The following PGAP3 variants were observed in gnomAD, a reference collection of about 807,000 sequenced individuals.
PGAP3 encodes GPI-specific phospholipase A2-like PGAP3.
A neutral mutation model predicts 40.3 loss-of-function variants in PGAP3; 31 were observed. That is an observed-to-expected ratio of 0.77 (90% confidence interval 0.58 to 1.04). The LOEUF (loss-of-function observed/expected upper bound fraction) is 1.04. Ranked by LOEUF, PGAP3 falls within the 50% of genes least tolerant of loss-of-function variation. PGAP3 has a pLI of 0.00. For missense variants in PGAP3, 413 were observed against 423.0 expected (o/e 0.98, Z 0.21); for synonymous variants, 191 against 184.5 (o/e 1.04, Z -0.29).
chr17:39,674,560 C>T (rs2057351473), intron 4 of PGAP3, 57 bp downstream of exon 4: 22 of 1,504,928 alleles, frequency 1.5e-5, no homozygotes, highest in Non-Finnish European at 1.9e-5. Context: ...CCTCTGCCCA[C>T]TTCTGGGCTC....
chr17:39,685,850 T>C (rs1199592795), intron 2 of PGAP3, 72 bp downstream of exon 2: 7 of 1,374,812 alleles, frequency 5.1e-6, no homozygotes, highest in Non-Finnish European at 7.2e-6. Flanking sequence ...GCTTGGACAG[T>C]GTGGTCCAAC....
chr17:39,687,297 T>C (rs2517954), intron 1 of PGAP3, among the ~76,000 whole-genome samples: 94,723 of 152,102 alleles, frequency 0.62, 29,977 homozygotes, highest in South Asian at 0.73. Flanking sequence ...TAAAAATTAC[T>C]TGACATATTG....
chr17:39,673,668 G>A lies in PGAP3; in HGVS notation c.558-18C>T. The stretch of plus-strand genomic sequence containing the variant: ...CCACGGTCCTGCCCCACCGTCCAGG[G>A]TTGCTCAGAGGGCAGGTGGCCCATC... On this transcript the variant is annotated intron_variant, in intron 5 of 7. Coordinates refer to ENST00000300658, the MANE Select transcript of PGAP3 (RefSeq NM_033419.5). 3 of 1,612,582 alleles carry A rather than the reference G, an allele frequency of 1.9e-6. No individual in the cohort carries two copies. The highest frequency in any genetic ancestry group is 2.5e-6 in the Non-Finnish European group (3 of 1,179,286).
chr17:39,678,531 TATC>T (rs1360339605), intron 3 of PGAP3, among the ~76,000 whole-genome samples: 6 of 152,232 alleles, frequency 3.9e-5, no homozygotes, highest in African/African-American at 1.4e-4. Context: ...GTGCCAGCGT[TATC>T]ATGAGTCCTG....
At chr17:39,685,796 G>A (rs1169982746) in intron 2 of PGAP3, 126 bp downstream of exon 2, 14 of 788,324 alleles carry the variant, frequency 1.8e-5, no homozygotes, top group Non-Finnish European at 2.3e-5. Context: ...GGGGAGAACA[G>A]GTAGCTGCCC....
At chr17:39,687,560 A>G (rs879658684) in intron 1 of PGAP3, among the ~76,000 whole-genome samples, 27 of 152,318 alleles carry the variant, frequency 1.8e-4, no homozygotes, top group African/African-American at 3.6e-4. Context: ...GTGAGTCCCA[A>G]TGGGCGGGAC....
At chr17:39,683,964 A>G (rs904433854) in intron 3 of PGAP3, among the ~76,000 whole-genome samples, 1 of 151,986 alleles carries the variant, frequency 6.6e-6, no homozygotes, top group Non-Finnish European at 1.5e-5. Flanking sequence ...GTCTCTACTA[A>G]AAATACAAAA....
In PGAP3 at chr17:39,673,585, G is replaced by A. The variant is rs2057337836; in HGVS notation, c.623C>T (p.Thr208Ile). 2 of 1,614,124 alleles carry A rather than the reference G, an allele frequency of 1.2e-6. No homozygotes were observed. The highest frequency in any genetic ancestry group is 8.5e-7 in the Non-Finnish European group (1 of 1,180,026). ...GAGGCTCAGGTAGGAGACGTGCACG[G>A]TCAGCATGAGCAGCAGGAGAGCCCG... ...AFRALLLLML[T>I]VHVSYLSLIR... The change falls in exon 6 of 8, where the codon ACC becomes ATC. Residue 208 changes from threonine (T) to isoleucine (I), a missense_variant. Transcript: ENST00000300658.
At chr17:39,685,895 T>C (rs761456087) in intron 2 of PGAP3, 27 bp downstream of exon 2, 2 of 1,594,398 alleles carry the variant, frequency 1.3e-6, no homozygotes, top group Non-Finnish European at 1.7e-6. Flanking sequence ...GCTACTACCA[T>C]ATGCCTACCC....
Position 39,687,915 on chromosome 17 carries a change from G to C in PGAP3, c.100C>G (p.Leu34Val). ...GAGCAGTTCTGCTCTTCGCACTGCAGTACGCAGTCGCGGTACACCGGCTCA... is the reference window on the plus strand; with the variant it reads ...GAGCAGTTCTGCTCTTCGCACTGCACTACGCAGTCGCGGTACACCGGCTCA... Reference protein sequence around the residue: ...DREPVYRDCVLQCEEQNCSGG... With the variant: ...DREPVYRDCVVQCEEQNCSGG... Residue 34 changes from leucine (L) to valine (V), a missense_variant, in exon 1 of 8, where the codon CTG (leucine) becomes GTG (valine). Leu to Val is a conservative substitution (Grantham distance 32, BLOSUM62 1). Transcript: ENST00000300658. 6.6e-7 allele frequency: 1 copy of C among 1,512,790 alleles called. No individual in the cohort carries two copies. The highest frequency in any genetic ancestry group is 1.2e-5 in the South Asian group (1 of 80,946). 93.7% of individuals were successfully genotyped at this position (1,512,790 alleles called of 1,614,324 possible).
At position 39,671,132 on chromosome 17, in the gene PGAP3, A is replaced by G. The variant is rs968828323; in HGVS notation, c.*1671T>C. Reference sequence around the variant, plus strand: ...CTGAACAAGGGCAGGTGAGGCTTGGAATTGATTTATTAAGCACATCCCTTG... The same window carrying G: ...CTGAACAAGGGCAGGTGAGGCTTGGGATTGATTTATTAAGCACATCCCTTG... On this transcript the variant is annotated 3_prime_UTR_variant, in exon 8 of 8. Transcript: ENST00000300658. The G allele has an allele frequency of 1.3e-5, 2 of 152,340 alleles. No homozygotes were observed. Among genetic ancestry groups the G allele is most frequent in the Non-Finnish European group, 2.9e-5 (2 of 68,032 alleles). 9.4% of individuals were successfully genotyped at this position (152,340 alleles called of 1,614,324 possible). A position where few individuals can be genotyped will look rare whatever the true frequency, so the allele number is the denominator to read the frequency against.
chr17:39,679,400 AC>A (rs2057412800), intron 3 of PGAP3, among the ~76,000 whole-genome samples: 1 of 151,956 alleles, frequency 6.6e-6, no homozygotes, highest in Non-Finnish European at 1.5e-5. Flanking sequence ...CTGTGAAGTG[AC>A]CCCTGGCCTC....
chr17:39,673,110 G>C lies in PGAP3; in HGVS notation c.840C>G (p.Val280=). The C allele has an allele frequency of 6.2e-7, 1 of 1,608,966 alleles. No homozygotes were observed. Among genetic ancestry groups the C allele is most frequent in the African/African-American group, 1.3e-5 (1 of 75,008 alleles). The change falls in exon 7 of 8, where the codon GTC becomes GTG. Residue 280 remains valine (V), a synonymous_variant. Transcript: ENST00000300658. ...ELLDFPPLFW[V]LDAHAIWHIS... ...TGTGCCAGATGGCATGGGCATCCAG[G>C]ACCCAGAAGAGCGGTGGGAAGTCAA...
At chr17:39,685,351 G>A (rs1241800286) in intron 2 of PGAP3, among the ~76,000 whole-genome samples, 1 of 151,224 alleles carries the variant, frequency 6.6e-6, no homozygotes, top group Non-Finnish European at 1.5e-5. Flanking sequence ...AATTAGCTGG[G>A]TGTGGTGGCA....
intron 3 of PGAP3, among the ~76,000 whole-genome samples, chr17:39,680,229 C>T (rs148711425): frequency 2.0e-5 from 3 of 152,352 alleles, no homozygotes; most frequent in Admixed American, 1.3e-4. Flanking sequence ...GCCCTGGACA[C>T]CAACCCTGTC....
In PGAP3 at chr17:39,683,719, C is replaced by T. The variant is rs556930208; in HGVS notation, c.432+878G>A. On this transcript the variant is annotated intron_variant, in intron 3 of 7. Transcript: ENST00000300658. ...TGCACCCCAGTCTGTGCTTATCACACAATACCAGGCCCTGAATACAGCTCT... is the reference window on the plus strand; with the variant it reads ...TGCACCCCAGTCTGTGCTTATCACATAATACCAGGCCCTGAATACAGCTCT... Among the ~76,000 whole-genome samples, 5 of 152,340 alleles carry T rather than the reference C, an allele frequency of 3.3e-5. No individual in the cohort carries two copies. The South Asian group carries it at 1.0e-3, about 32-fold the overall frequency.
chr17:39,672,905 C>CT, intron 7 of PGAP3, 39 bp from the exon 8 acceptor site: 1 of 1,607,114 alleles, frequency 6.2e-7, no homozygotes, highest in South Asian at 1.1e-5. Flanking sequence ...GCACACAGCT[C>CT]TGACAGCTCG....
intron 1 of PGAP3, among the ~76,000 whole-genome samples, chr17:39,687,346 CT>C (rs1234854405): frequency 6.6e-6 from 1 of 152,232 alleles, no homozygotes; most frequent in Non-Finnish European, 1.5e-5. Flanking sequence ...TACGTTGGTT[CT>C]TTGCCCACTA....
intron 3 of PGAP3, among the ~76,000 whole-genome samples, chr17:39,683,434 T>A (rs935424579): frequency 6.6e-6 from 1 of 152,054 alleles, no homozygotes; most frequent in Non-Finnish European, 1.5e-5. Context: ...CTGAAGCACC[T>A]CTCCCCGACT....
Sources: allele counts gnomAD v4.1 joint callset (sites outside exome capture counted in the v4.1 genomes callset), GRCh38; gene constraint gnomAD v4.1.1; transcripts MANE v1.5; gene names NCBI Gene and HGNC (gene_info 2026-07-23, HGNC 2026-07-21).